The following FBXL17 variants were observed in gnomAD, a reference collection of about 807,000 sequenced individuals.
FBXL17 encodes the protein F-box/LRR-repeat protein 17.
A neutral mutation model predicts 66.2 loss-of-function variants in FBXL17; 22 were observed. The ratio of observed to expected loss-of-function variants is 0.33; its 90% confidence interval spans 0.24 to 0.47. The LOEUF is 0.47. FBXL17 is among the 20% of genes least tolerant of loss of function. The pLI, the probability that FBXL17 is intolerant of heterozygous loss-of-function variation, is 1.00. For synonymous variants in FBXL17, 474 were observed against 400.5 expected (o/e 1.18, Z -2.19); for missense variants, 878 against 948.2 (o/e 0.93, Z 0.97).
chr5:107,950,247 G>A (rs1239648884), intron 7 of FBXL17, among the ~76,000 whole-genome samples: 16 of 151,812 alleles, frequency 1.1e-4, no homozygotes, highest in Admixed American at 2.0e-4. Context: ...GCAAATTTCC[G>A]GGATCACTTT....
intron 8 of FBXL17, among the ~76,000 whole-genome samples, chr5:107,865,116 T>C (rs1024141323): frequency 1.3e-5 from 2 of 152,180 alleles, no homozygotes; most frequent in African/African-American, 2.4e-5. Flanking sequence ...GAGAAAAGAA[T>C]GGAGCAGAGA....
Position 108,330,093 on chromosome 5 carries a change from T to C in FBXL17, c.1506+18306A>G, listed in dbSNP as rs115429002. ...GTTACAAAAAAATAACTGAACCATATAGCTAATAACCATGAAGTAGCCAAA... is the reference window on the plus strand; with the variant it reads ...GTTACAAAAAAATAACTGAACCATACAGCTAATAACCATGAAGTAGCCAAA... On this transcript the variant is annotated intron_variant, in intron 4 of 8. Coordinates refer to ENST00000542267, the MANE Select transcript of FBXL17 (RefSeq NM_001163315.3). 4.6e-5 allele frequency among the ~76,000 whole-genome samples: 7 copies of C among 152,280 alleles called. No individual in the cohort carries two copies. In the South Asian group the frequency reaches 6.2e-4, roughly 14 times the overall value.
intron 4 of FBXL17, among the ~76,000 whole-genome samples, chr5:108,282,144 G>A (rs1241869620): frequency 2.0e-5 from 3 of 151,762 alleles, no homozygotes; most frequent in South Asian, 2.1e-4. Flanking sequence ...AAAAATTGAG[G>A]AGGATGGAAT....
Position 108,173,664 on chromosome 5 carries a change from G to A in FBXL17, c.1745+12453C>T, listed in dbSNP as rs184521459. On this transcript the variant is annotated intron_variant, in intron 6 of 8. Transcript: ENST00000542267. ...CAGGATATGTCACTAAACATACCGCGTAAGAATTGCTTCTATGGAAAGACA... is the reference window on the plus strand; with the variant it reads ...CAGGATATGTCACTAAACATACCGCATAAGAATTGCTTCTATGGAAAGACA... 4.9e-3 allele frequency among the ~76,000 whole-genome samples: 743 copies of A among 152,268 alleles called. 11 individuals carry two copies. The highest frequency in any genetic ancestry group is 3.1e-3 in the South Asian group (15 of 4,826).
intron 6 of FBXL17, among the ~76,000 whole-genome samples, chr5:108,093,406 T>C (rs1422581306): frequency 2.0e-5 from 3 of 152,072 alleles, no homozygotes; most frequent in Non-Finnish European, 4.4e-5. Flanking sequence ...AAATTACCAA[T>C]GAAAAACAAA....
intron 4 of FBXL17, among the ~76,000 whole-genome samples, chr5:108,329,787 T>A (rs1180289969): frequency 6.6e-6 from 1 of 152,120 alleles, no homozygotes; most frequent in Non-Finnish European, 1.5e-5. Flanking sequence ...ATAAGTGACA[T>A]CCCTTTCAAA....
intron 4 of FBXL17, among the ~76,000 whole-genome samples, chr5:108,344,946 T>C (rs1747168559): frequency 6.6e-6 from 1 of 152,220 alleles, no homozygotes; most frequent in Non-Finnish European, 1.5e-5. Context: ...ACAAGAGTTT[T>C]ACAGCAAATG....
At chr5:108,002,301 G>A (rs1424941593) in intron 7 of FBXL17, among the ~76,000 whole-genome samples, 1 of 150,822 alleles carries the variant, frequency 6.6e-6, no homozygotes, top group African/African-American at 2.5e-5. Flanking sequence ...TGGGATTACA[G>A]GCACAAGCCA....
chr5:108,005,424 GA>G (rs1412359567), intron 7 of FBXL17, among the ~76,000 whole-genome samples: 2 of 152,094 alleles, frequency 1.3e-5, no homozygotes, highest in African/African-American at 4.8e-5. Flanking sequence ...CTGGGCAGAG[GA>G]AATAAAAAAT....
At chr5:107,918,240 G>A (rs965559478) in intron 7 of FBXL17, among the ~76,000 whole-genome samples, 6 of 152,174 alleles carry the variant, frequency 3.9e-5, no homozygotes, top group African/African-American at 1.2e-4. Context: ...GGGCTGGGGC[G>A]GCCCTTATGG....
intron 6 of FBXL17, among the ~76,000 whole-genome samples, chr5:108,116,363 T>C (rs1321893944): frequency 1.3e-5 from 2 of 151,656 alleles, no homozygotes; most frequent in Admixed American, 6.6e-5. Context: ...AATAGGGTCA[T>C]GTGCAGTGGC....
intron 6 of FBXL17, among the ~76,000 whole-genome samples, chr5:108,086,074 T>C (rs1286740260): frequency 6.6e-6 from 1 of 152,124 alleles, no homozygotes; most frequent in East Asian, 1.9e-4. Flanking sequence ...CCATGGAAGA[T>C]CATAGAAACT....
chr5:108,335,163 T>C (rs1034742862), intron 4 of FBXL17, among the ~76,000 whole-genome samples: 4 of 152,052 alleles, frequency 2.6e-5, no homozygotes, highest in African/African-American at 4.8e-5. Flanking sequence ...TTACTCATAA[T>C]TTTTCAACTA....
rs768156727 is a variant in FBXL17 at position 108,078,268 on chromosome 5, CT to C, written c.1746-57268del. On this transcript the variant is annotated intron_variant, in intron 6 of 8. Transcript: ENST00000542267. ...ATATGAGATGATATACTTAAATTTG[CT>C]GTTTTTTGCTTATCTCAAGTTGTTT... 2.6e-5 allele frequency among the ~76,000 whole-genome samples: 4 copies of C among 152,258 alleles called. No individual in the cohort carries two copies. In the East Asian group the frequency reaches 7.7e-4, roughly 29 times the overall value.
At chr5:107,926,586 ACCT>A (rs1344861253) in intron 7 of FBXL17, among the ~76,000 whole-genome samples, 1 of 147,746 alleles carries the variant, frequency 6.8e-6, no homozygotes, top group Non-Finnish European at 1.5e-5. Context: ...TCTCTGGCAA[ACCT>A]CCTACTCATC....
chr5:108,105,072 A>G (rs1749742468), intron 6 of FBXL17, among the ~76,000 whole-genome samples: 1 of 152,030 alleles, frequency 6.6e-6, no homozygotes, highest in Non-Finnish European at 1.5e-5. Flanking sequence ...GGATCTCCTG[A>G]CCTTGTGATC....
At chr5:108,042,217 A>G (rs931706753) in intron 6 of FBXL17, among the ~76,000 whole-genome samples, 2 of 152,102 alleles carry the variant, frequency 1.3e-5, no homozygotes, top group Admixed American at 1.3e-4. Context: ...CAAACTTTTT[A>G]TTTTGTAAGA....
At chr5:108,194,766 C>A (rs1199980343) in intron 5 of FBXL17, among the ~76,000 whole-genome samples, 3 of 152,150 alleles carry the variant, frequency 2.0e-5, no homozygotes, top group Non-Finnish European at 4.4e-5. Flanking sequence ...AACCTTGGCT[C>A]CAAGTTAGGA....
At chr5:108,254,088 GA>G (rs1401353935) in intron 4 of FBXL17, among the ~76,000 whole-genome samples, 1 of 152,118 alleles carries the variant, frequency 6.6e-6, no homozygotes, top group Non-Finnish European at 1.5e-5. Flanking sequence ...CTCGTATTTT[GA>G]ATCATAGAAA....
Sources: gnomAD v4.1 joint callset for allele counts (sites outside exome capture counted in the v4.1 genomes callset) on GRCh38, gnomAD v4.1.1 for gene constraint, MANE v1.5 for transcripts, NCBI Gene and HGNC (gene_info 2026-07-23, HGNC 2026-07-21) for gene names.